The following REV1 variants were observed in gnomAD, a reference collection of about 807,000 sequenced individuals.
REV1 encodes the protein REV1 DNA directed polymerase, also known as translesion synthesis protein REV1.
REV1 carries 42 observed loss-of-function variants against 137.4 expected under a neutral mutation model. The ratio of observed to expected loss-of-function variants is 0.31; its 90% CI spans 0.24 to 0.40. The LOEUF (loss-of-function observed/expected upper bound fraction) is 0.40. REV1 is among the 10% of genes least tolerant of loss of function. The pLI, the probability that REV1 is intolerant of heterozygous loss-of-function variation, is 1.00. For missense variants in REV1, 1,282 were observed against 1,490.1 expected (o/e 0.86, Z 2.30); for synonymous variants, 524 against 519.2 (o/e 1.01, Z -0.12).
chr2:99,442,469 G>A lies in REV1; in HGVS notation c.351C>T (p.Ser117=), dbSNP rs1681642164. 3.7e-6 allele frequency: 6 copies of A among 1,610,748 alleles called. No individual in the cohort carries two copies. Among genetic ancestry groups the A allele is most frequent in the South Asian group, 1.1e-5 (1 of 90,368 alleles). ...KVIRPEWIVE[S]IKAGRLLSYI... is the part of the protein sequence containing the mutation. Reference sequence around the variant, plus strand: ...AGGAGAGGAGTCGTCCAGCTTTGATGCTGAAACAAAAAGCAACACCAATTT... The same window carrying A: ...AGGAGAGGAGTCGTCCAGCTTTGATACTGAAACAAAAAGCAACACCAATTT... The change falls in exon 5 of 23, where the codon AGC becomes AGT. Residue 117 remains serine, a splice_region_variant and synonymous_variant. Coordinates refer to ENST00000258428, the MANE Select transcript of REV1 (RefSeq NM_016316.4).
rs1265788606 is a variant in REV1, at chr2:99,429,854, A to G, written c.1533T>C (p.Cys511=). ...SVLSRAEIAS[C]SYEARQLGIK... ...CTTCTACATACCTGGCCTCATAACT[A>G]CAAGATGCAATTTCAGCCCTTGACA... Residue 511 remains cysteine, a synonymous_variant, in exon 9 of 23, where the codon TGT becomes TGC. Coordinates refer to ENST00000258428, the MANE Select transcript of REV1 (RefSeq NM_016316.4). The G allele has an allele frequency of 3.1e-6, 5 of 1,598,934 alleles. No individual in the cohort carries two copies. The East Asian group carries it at 9.0e-5, about 29-fold the overall frequency.
chr2:99,425,594 A>T (rs1326710929), intron 9 of REV1, among the ~76,000 whole-genome samples: 1 of 152,258 alleles, frequency 6.6e-6, no homozygotes, highest in East Asian at 1.9e-4. Context: ...ATATATGTAG[A>T]AACATAAAAT....
chr2:99,454,893 A>T (rs1683370800), intron 3 of REV1, among the ~76,000 whole-genome samples: 1 of 152,364 alleles, frequency 6.6e-6, no homozygotes, highest in East Asian at 1.9e-4. Context: ...TACAAGGACC[A>T]CAATTTAGCC....
At chr2:99,479,511 G>A (rs1686374558) in intron 1 of REV1, among the ~76,000 whole-genome samples, 1 of 151,908 alleles carries the variant, frequency 6.6e-6, no homozygotes, top group Non-Finnish European at 1.5e-5. Context: ...AAGGTTATCA[G>A]AGATTTGCAT....
chr2:99,456,037 G>A (rs1043679876), intron 3 of REV1, among the ~76,000 whole-genome samples: 11 of 152,066 alleles, frequency 7.2e-5, no homozygotes, highest in African/African-American at 2.7e-4. Context: ...TGCAACCACT[G>A]TCCACTAAGT....
intron 19 of REV1, 30 bp downstream of exon 19, chr2:99,403,665 T>C: frequency 6.2e-7 from 1 of 1,613,990 alleles, no homozygotes; most frequent in South Asian, 1.1e-5. Context: ...TTTGTCTTCA[T>C]TTTTGTTACA....
chr2:99,479,607 C>G (rs1440976978), intron 1 of REV1, among the ~76,000 whole-genome samples: 1 of 151,802 alleles, frequency 6.6e-6, no homozygotes, highest in Admixed American at 6.6e-5. Flanking sequence ...CTGAGCAACA[C>G]AGCAAGACCT....
At chr2:99,436,730 CT>C (rs1365901093) in intron 6 of REV1, 1 of 152,196 alleles carries the variant, frequency 6.6e-6, no homozygotes, top group African/African-American at 2.4e-5. Flanking sequence ...ACAAGCAGAG[CT>C]TTCCTCTATT....
chr2:99,418,173 A>C lies in REV1; in HGVS notation c.1951+655T>G, dbSNP rs28382939. Among the ~76,000 whole-genome samples, 19 of 141,956 alleles carry C rather than the reference A, an allele frequency of 1.3e-4. No individual in the cohort carries two copies. In the East Asian group the frequency reaches 3.5e-3, roughly 26 times the overall value. 93.1% of individuals were successfully genotyped at this position (141,956 alleles called of 152,430 possible). ...TCTACTTTTAACAAATGAATTTTAA[A>C]ACTTTCACTATAAATGAAGATGGAA... On this transcript the variant is annotated intron_variant, in intron 12 of 22. Transcript: ENST00000258428.
At chr2:99,437,242 G>A (rs1010383523) in intron 6 of REV1, among the ~76,000 whole-genome samples, 4 of 151,844 alleles carry the variant, frequency 2.6e-5, no homozygotes, top group Admixed American at 2.0e-4. Flanking sequence ...CTCGGCCTCC[G>A]AAAGTGTGCG....
At chr2:99,457,076 C>A (rs1683612456) in intron 3 of REV1, among the ~76,000 whole-genome samples, 1 of 152,158 alleles carries the variant, frequency 6.6e-6, no homozygotes, top group Admixed American at 6.5e-5. Context: ...CTCCCAAAGG[C>A]AATTGTTTCC....
At chr2:99,471,882 C>A in intron 1 of REV1, among the ~76,000 whole-genome samples, 1 of 133,440 alleles carries the variant, frequency 7.5e-6, no homozygotes, top group Non-Finnish European at 1.6e-5. Context: ...AGCAGGATAG[C>A]TACTATTAAA....
At chr2:99,473,627 T>C (rs1189795289) in intron 1 of REV1, among the ~76,000 whole-genome samples, 1 of 152,240 alleles carries the variant, frequency 6.6e-6, no homozygotes, top group Non-Finnish European at 1.5e-5. Flanking sequence ...AACCCATTTT[T>C]GCCACTTTAT....
intron 1 of REV1, among the ~76,000 whole-genome samples, chr2:99,471,449 A>C (rs1212197570): frequency 2.6e-5 from 4 of 152,248 alleles, no homozygotes; most frequent in Admixed American, 1.3e-4. Context: ...AAAAGACATA[A>C]ATATAAGAGC....
At chr2:99,453,892 C>CAA (rs58291328) in intron 3 of REV1, among the ~76,000 whole-genome samples, 934 of 47,568 alleles carry the variant, frequency 0.02, 17 homozygotes, top group Middle Eastern at 0.032. Context: ...GGCTCTGTCT[C>CAA]AAAAAAAAAA....
intron 5 of REV1, among the ~76,000 whole-genome samples, chr2:99,440,745 C>A (rs927873166): frequency 6.6e-6 from 1 of 152,048 alleles, no homozygotes; most frequent in Admixed American, 6.6e-5. Context: ...AATATACCCC[C>A]CAAAAAAACC....
Position 99,439,181 on chromosome 2 carries a change from T to C in REV1, c.633A>G (p.Lys211=). ...VDLEQTSPGR[K]QNGIPHPRGS... ...CTCTGGGATGCGGAATTCCATTCTG[T>C]TTCCTTCCCGGAGAGGTCTGCTCCA... Residue 211 remains lysine (K), a synonymous_variant, in exon 6 of 23, where the codon AAA becomes AAG. Transcript: ENST00000258428. The C allele has an allele frequency of 6.2e-7, 1 of 1,614,202 alleles. No individual in the cohort carries two copies.
intron 9 of REV1, among the ~76,000 whole-genome samples, chr2:99,425,516 A>G (rs1026561508): frequency 6.6e-6 from 1 of 152,192 alleles, no homozygotes; most frequent in Admixed American, 6.5e-5. Flanking sequence ...ACTTGCCTAG[A>G]AAAGGATGAC....
chr2:99,489,790 C>CCCG (rs1395689432), intron 1 of REV1, 27 bp downstream of exon 1: 1 of 149,796 alleles, frequency 6.7e-6, no homozygotes, highest in Non-Finnish European at 1.5e-5. Context: ...CCTCCCCCAC[C>CCCG]CCGCCGCCGG....
Sources: gnomAD v4.1 joint callset for allele counts (sites outside exome capture counted in the v4.1 genomes callset) on GRCh38, gnomAD v4.1.1 for gene constraint, MANE v1.5 for transcripts, NCBI Gene and HGNC (gene_info 2026-07-23, HGNC 2026-07-21) for gene names.